The following AIFM1 variants were observed in gnomAD, a reference collection of about 807,000 sequenced individuals.
AIFM1 encodes apoptosis-inducing factor 1, mitochondrial.
A neutral mutation model predicts 51.7 loss-of-function variants in AIFM1; 3 were observed. That is an observed-to-expected ratio of 0.06 (90% confidence interval 0.03 to 0.15). The LOEUF (loss-of-function observed/expected upper bound fraction) is 0.15. AIFM1 is among the 10% of genes least tolerant of loss of function. The probability of loss-of-function intolerance (pLI) is 1.00; values close to 1 mark genes in which losing one functional copy is unlikely to be tolerated. For missense variants in AIFM1, 330 were observed against 476.8 expected (o/e 0.69, Z 2.87); for synonymous variants, 178 against 179.4 (o/e 0.99, Z 0.06).
At chrX:130,132,936 G>A (rs1377415578) in intron 13 of AIFM1, among the ~76,000 whole-genome samples, 5 of 109,984 alleles carry the variant, frequency 4.5e-5, no homozygotes, top group South Asian at 3.9e-4. Flanking sequence ...TAGTAGAGAC[G>A]GGGTTTCACC....
rs185409400 is a variant in AIFM1, at chrX:130,131,537, T to C, written c.1573+138A>G. ...CCACTAAAGAGTGAGGACTTGGGGT[T>C]TGGTTTCTTTTAAAGCACAACATGA... is the stretch of plus-strand genomic sequence containing the variant. On this transcript the variant is annotated intron_variant, in intron 14 of 15. Coordinates refer to ENST00000287295, the MANE Select transcript of AIFM1 (RefSeq NM_004208.4). 3.1e-4 allele frequency: 291 copies of C among 925,998 alleles called. 1 individual carries two copies. The East Asian group carries it at 9.0e-3, about 29-fold the overall frequency. The allele number at this position is 925,998 out of a possible 1,213,427, so 76.3% of individuals were successfully genotyped here.
intron 8 of AIFM1, among the ~76,000 whole-genome samples, chrX:130,139,397 T>C (rs1308208471): frequency 9.0e-6 from 1 of 110,992 alleles, no homozygotes; most frequent in Admixed American, 9.6e-5. Context: ...ATAAGCACAG[T>C]GTTAAGAAGC....
At chrX:130,160,935 A>G (rs2031327172) in intron 1 of AIFM1, among the ~76,000 whole-genome samples, 1 of 110,441 alleles carries the variant, frequency 9.1e-6, no homozygotes, top group South Asian at 3.7e-4. Flanking sequence ...AAATAAACTT[A>G]AGAGTTTTTT....
chrX:130,155,916 C>A (rs1467107340), intron 2 of AIFM1, among the ~76,000 whole-genome samples: 1 of 112,178 alleles, frequency 8.9e-6, no homozygotes, highest in Non-Finnish European at 1.9e-5. Flanking sequence ...TATTTCTCAC[C>A]TCAAACAAAC....
Position 130,165,569 on chromosome X carries a change from G to C in AIFM1, c.88C>G (p.Gln30Glu). The C allele has an allele frequency of 8.4e-7, 1 of 1,197,121 alleles. No homozygotes were observed. Among genetic ancestry groups the C allele is most frequent in the Non-Finnish European group, 1.1e-6 (1 of 887,440 alleles). The change falls in exon 1 of 16, where the codon CAG (glutamine) becomes GAG (glutamate). Residue 30 changes from glutamine to glutamate, a missense_variant. Transcript: ENST00000287295. ...VRTVCVRSPR[Q>E]RNRLPGNLFQ... ...CAGTCACCTGGGAGCCGGTTCCTCT[G>C]CCTCGGGCTTCGGACGCACACGGTC...
chrX:130,160,047 T>C (rs991555525), intron 1 of AIFM1, among the ~76,000 whole-genome samples: 1 of 111,222 alleles, frequency 9.0e-6, no homozygotes, highest in African/African-American at 3.3e-5. Flanking sequence ...GAAAAGTAAA[T>C]TGACTTTAAA....
rs766155688 is a variant in AIFM1, at chrX:130,136,741, C to T, written c.1076-10G>A. 2 of 1,199,974 alleles carry T rather than the reference C, an allele frequency of 1.7e-6. No homozygotes were observed. Among genetic ancestry groups the T allele is most frequent in the African/African-American group, 1.8e-5 (1 of 56,665 alleles). On this transcript the variant is annotated splice_polypyrimidine_tract_variant and intron_variant, in intron 10 of 15. Coordinates refer to ENST00000287295, the MANE Select transcript of AIFM1 (RefSeq NM_004208.4). ...ATCACCTTAACCCCCTCTGTAAAGG[C>T]AAACAAGACCTGAGAGTGAGCCTAC...
intron 1 of AIFM1, among the ~76,000 whole-genome samples, chrX:130,159,791 C>CA (rs1178823940): frequency 6.7e-4 from 60 of 90,057 alleles, no homozygotes; most frequent in South Asian, 3.5e-3. Flanking sequence ...CTCAATTTGC[C>CA]AAAAAAAAAA....
intron 2 of AIFM1, chrX:130,155,328 A>C: frequency 8.4e-7 from 1 of 1,189,576 alleles, no homozygotes. Context: ...AAAAGGAAAC[A>C]GAGTACTAAG....
chrX:130,145,645 T>G lies in AIFM1; in HGVS notation c.606-76A>C, dbSNP rs898159223. 1.5e-5 allele frequency: 12 copies of G among 818,313 alleles called. No individual in the cohort carries two copies. The African/African-American group carries it at 2.4e-4, about 16-fold the overall frequency. The allele number at this position is 818,313 out of a possible 1,213,427, so 67.4% of individuals were successfully genotyped here. ...GCTTCCCCCGTAGCTTTAATAAAACTGTTTCCATTATCAGAAACTTTAAGG... is the reference window on the plus strand; with the variant it reads ...GCTTCCCCCGTAGCTTTAATAAAACGGTTTCCATTATCAGAAACTTTAAGG... On this transcript the variant is annotated intron_variant, in intron 5 of 15. Coordinates refer to ENST00000287295, the MANE Select transcript of AIFM1 (RefSeq NM_004208.4).
intron 2 of AIFM1, among the ~76,000 whole-genome samples, chrX:130,153,377 C>A (rs1168111237): frequency 3.0e-5 from 3 of 98,945 alleles, no homozygotes; most frequent in Non-Finnish European, 2.0e-5. Context: ...AAAAAAAAGT[C>A]GGCAGTTTAC....
intron 11 of AIFM1, 98 bp from the exon 12 acceptor site, chrX:130,136,283 T>TA (rs2030334061): frequency 9.9e-7 from 1 of 1,014,103 alleles, no homozygotes; most frequent in African/African-American, 1.9e-5. Context: ...ATTGGGACTT[T>TA]AAAAAATCAT....
At chrX:130,143,963 C>G (rs902276779) in intron 6 of AIFM1, among the ~76,000 whole-genome samples, 2 of 111,750 alleles carry the variant, frequency 1.8e-5, no homozygotes, top group Non-Finnish European at 3.8e-5. Context: ...AATTCTCTCT[C>G]TACCACTTAC....
intron 2 of AIFM1, among the ~76,000 whole-genome samples, chrX:130,152,814 C>T (rs1434761862): frequency 8.9e-6 from 1 of 111,844 alleles, no homozygotes; most frequent in Non-Finnish European, 1.9e-5. Context: ...CAGTGTTTTT[C>T]AAACTGTGGT....
chrX:130,142,016 T>A (rs754977353), intron 6 of AIFM1, among the ~76,000 whole-genome samples: 1 of 111,558 alleles, frequency 9.0e-6, no homozygotes, highest in Non-Finnish European at 1.9e-5. Flanking sequence ...AGCTTTGGAG[T>A]CAGAGAGAAT....
chrX:130,164,237 A>G (rs1422155883), intron 1 of AIFM1, among the ~76,000 whole-genome samples: 1 of 111,656 alleles, frequency 9.0e-6, no homozygotes, highest in Non-Finnish European at 1.9e-5. Context: ...CCATCATTTC[A>G]ATACACAAAA....
At chrX:130,150,380 G>C (rs2124667729) in intron 2 of AIFM1, among the ~76,000 whole-genome samples, 1 of 81,241 alleles carries the variant, frequency 1.2e-5, no homozygotes, top group Admixed American at 1.6e-4. Context: ...CTGTTGCCCA[G>C]GCTGGAGTGC....
At chrX:130,136,586 G>A in intron 11 of AIFM1, 57 bp downstream of exon 11, 1 of 1,036,354 alleles carries the variant, frequency 9.6e-7, no homozygotes. Flanking sequence ...GTAAAAATGA[G>A]GCAAGGGGAG....
chrX:130,145,377 C>T (rs2083492411), intron 6 of AIFM1, 102 bp downstream of exon 6: 1 of 654,042 alleles, frequency 1.5e-6, no homozygotes, highest in Admixed American at 2.3e-5. Context: ...TGATGAACTA[C>T]AATGGCAGGA....
Sources: allele counts gnomAD v4.1 joint callset (sites outside exome capture counted in the v4.1 genomes callset), GRCh38; gene constraint gnomAD v4.1.1; transcripts MANE v1.5; gene names NCBI Gene and HGNC (gene_info 2026-07-23, HGNC 2026-07-21).